RASA1: variants seen among roughly 807,000 people sequenced by gnomAD.
RASA1 encodes ras GTPase-activating protein 1.
In RASA1, 25 loss-of-function variants were observed where a neutral mutation model predicts 132.2. That is an observed-to-expected ratio of 0.19 (90% confidence interval 0.14 to 0.26). The LOEUF (loss-of-function observed/expected upper bound fraction) is 0.26. Among genes scored for constraint, RASA1 ranks in the 10% least tolerant of loss-of-function variants. RASA1 has a pLI of 1.00. For missense variants in RASA1, 964 were observed against 1,299.2 expected (o/e 0.74, Z 3.97); for synonymous variants, 477 against 449.9 (o/e 1.06, Z -0.76).
At position 87,268,014 on chromosome 5, in the gene RASA1, C is replaced by T; in HGVS notation, c.-438C>T. ...GCGGCTGCAGTGGCCCCAGCCTCAG[C>T]AGCGGCACCGGCGGTGGCTGCGGTG... On this transcript the variant is annotated 5_prime_UTR_variant, in exon 1 of 25. It introduces an in-frame stop codon into an upstream open reading frame of the 5' UTR. Coordinates refer to ENST00000274376, the MANE Select transcript of RASA1 (RefSeq NM_002890.3). 1 of 403,550 alleles carries T rather than the reference C, an allele frequency of 2.5e-6. No homozygotes were observed. The highest frequency in any genetic ancestry group is 4.4e-6 in the Non-Finnish European group (1 of 229,636). 25.0% of individuals were successfully genotyped at this position (403,550 alleles called of 1,614,324 possible). A position where few individuals can be genotyped will look rare whatever the true frequency, so the allele number is the denominator to read the frequency against.
intron 1 of RASA1, among the ~76,000 whole-genome samples, chr5:87,330,412 A>C (rs1757524740): frequency 1.3e-5 from 2 of 152,170 alleles, no homozygotes; most frequent in African/African-American, 2.4e-5. Context: ...TGAATATATC[A>C]ATGTAATATG....
chr5:87,299,517 T>A (rs184151182), intron 1 of RASA1, among the ~76,000 whole-genome samples: 285 of 152,328 alleles, frequency 1.9e-3, no homozygotes, highest in African/African-American at 6.4e-3. Flanking sequence ...GGTTTGTATA[T>A]GGTTCTCTTT....
intron 1 of RASA1, among the ~76,000 whole-genome samples, chr5:87,294,699 T>A (rs1755045441): frequency 6.6e-6 from 1 of 152,236 alleles, no homozygotes; most frequent in Non-Finnish European, 1.5e-5. Flanking sequence ...TTTAATTCTG[T>A]GGTCTGATAG....
At chr5:87,281,057 A>G (rs1308469875) in intron 1 of RASA1, among the ~76,000 whole-genome samples, 1 of 151,990 alleles carries the variant, frequency 6.6e-6, no homozygotes, top group Non-Finnish European at 1.5e-5. Context: ...CATGGTATAT[A>G]AATATCTGTT....
intron 11 of RASA1, among the ~76,000 whole-genome samples, chr5:87,368,400 A>G (rs1760684038): frequency 1.3e-5 from 2 of 152,208 alleles, no homozygotes; most frequent in African/African-American, 4.8e-5. Flanking sequence ...TGTCTTCAGT[A>G]TCTGCATTAT....
chr5:87,314,740 TAA>T (rs1031605229), intron 1 of RASA1, among the ~76,000 whole-genome samples: 1 of 146,888 alleles, frequency 6.8e-6, no homozygotes, highest in African/African-American at 2.5e-5. Flanking sequence ...GATGGTCATT[TAA>T]AAAAAAAAAG....
intron 10 of RASA1, 96 bp from the exon 11 acceptor site, chr5:87,363,252 A>G: frequency 8.7e-7 from 1 of 1,143,470 alleles, no homozygotes; most frequent in Non-Finnish European, 1.3e-6. Context: ...TGGAATAAAA[A>G]TTGATTGATT....
At chr5:87,271,631 C>G (rs1235560462) in intron 1 of RASA1, among the ~76,000 whole-genome samples, 2 of 151,182 alleles carry the variant, frequency 1.3e-5, no homozygotes, top group East Asian at 3.9e-4. Flanking sequence ...TACAGGTGCC[C>G]GCAACCAGGC....
chr5:87,309,385 T>G (rs149802988), intron 1 of RASA1, among the ~76,000 whole-genome samples: 1 of 152,228 alleles, frequency 6.6e-6, no homozygotes, highest in Non-Finnish European at 1.5e-5. Context: ...GTTGCCATTT[T>G]AAATAGGGTA....
chr5:87,357,850 A>G (rs1361010602), intron 9 of RASA1, among the ~76,000 whole-genome samples: 1 of 152,230 alleles, frequency 6.6e-6, no homozygotes, highest in East Asian at 1.9e-4. Context: ...TTGGTTTTGC[A>G]GAAGTGCCTA....
At chr5:87,337,746 A>G (rs1211981808) in intron 4 of RASA1, among the ~76,000 whole-genome samples, 1 of 152,110 alleles carries the variant, frequency 6.6e-6, no homozygotes, top group Non-Finnish European at 1.5e-5. Context: ...AGATACTACT[A>G]TCAAACCCAT....
intron 1 of RASA1, among the ~76,000 whole-genome samples, chr5:87,287,016 A>C (rs2112257594): frequency 6.8e-6 from 1 of 147,212 alleles, no homozygotes; most frequent in African/African-American, 2.5e-5. Context: ...ATATATATAC[A>C]CCATATATAT....
At chr5:87,378,956 C>G (rs575778878) in intron 18 of RASA1, among the ~76,000 whole-genome samples, 5 of 151,886 alleles carry the variant, frequency 3.3e-5, no homozygotes, top group Non-Finnish European at 7.4e-5. Flanking sequence ...TCAACTAAAA[C>G]AAAAAAATCT....
At position 87,278,439 on chromosome 5, in the gene RASA1, G is replaced by A. The variant is rs1389390273; in HGVS notation, c.539+9449G>A. The stretch of plus-strand genomic sequence containing the variant: ...GCGTGGTGGTGGGTGCCTGCTACTC[G>A]GGAGGCTGAGACAGGAGAATGGCGT... On this transcript the variant is annotated intron_variant, in intron 1 of 24. Transcript: ENST00000274376. Among the ~76,000 whole-genome samples, 9 of 151,768 alleles carry A rather than the reference G, an allele frequency of 5.9e-5. No homozygotes were observed. The East Asian group carries it at 1.4e-3, about 23-fold the overall frequency.
intron 1 of RASA1, among the ~76,000 whole-genome samples, chr5:87,277,114 A>T (rs1010857850): frequency 6.6e-6 from 1 of 152,200 alleles, no homozygotes; most frequent in East Asian, 1.9e-4. Context: ...TCTTACAATG[A>T]TATAGTGAGA....
intron 4 of RASA1, among the ~76,000 whole-genome samples, chr5:87,335,934 T>C (rs1757944662): frequency 1.3e-5 from 2 of 152,230 alleles, no homozygotes; most frequent in Non-Finnish European, 2.9e-5. Context: ...ATATTACAAC[T>C]AACCTTCAAG....
chr5:87,307,019 G>A lies in RASA1; in HGVS notation c.540-24329G>A, dbSNP rs571830735. On this transcript the variant is annotated intron_variant, in intron 1 of 24. Transcript: ENST00000274376. ...GGACTATAGGTGTGCGCCACTGTGT[G>A]CAGCGTATTTGTTTTAGAAAACCTT... Among the ~76,000 whole-genome samples the A allele has an allele frequency of 6.6e-5, 10 of 152,060 alleles. No individual in the cohort carries two copies. The South Asian group carries it at 2.1e-3, about 32-fold the overall frequency.
chr5:87,380,352 TTGC>T (rs1761622381), intron 19 of RASA1, among the ~76,000 whole-genome samples, 154 bp from the exon 20 acceptor site: 1 of 152,164 alleles, frequency 6.6e-6, no homozygotes, highest in South Asian at 2.1e-4. Context: ...TCCTTACCCC[TTGC>T]TAAATGCCTC....
At chr5:87,321,183 G>C (rs547172410) in intron 1 of RASA1, among the ~76,000 whole-genome samples, 96 of 152,246 alleles carry the variant, frequency 6.3e-4, no homozygotes, top group African/African-American at 2.3e-3. Flanking sequence ...TATACAAGTT[G>C]GCAGTAGTTT....
Sources: gnomAD v4.1 joint callset for allele counts (sites outside exome capture counted in the v4.1 genomes callset) on GRCh38, gnomAD v4.1.1 for gene constraint, MANE v1.5 for transcripts, NCBI Gene and HGNC (gene_info 2026-07-23, HGNC 2026-07-21) for gene names.